The following SLIT1 variants were observed in gnomAD, a reference collection of about 807,000 sequenced individuals.
The protein encoded by SLIT1 is slit guidance ligand 1.
A neutral mutation model predicts 186.1 loss-of-function variants in SLIT1; 66 were observed. The observed-to-expected ratio is 0.35, with a 90% CI of 0.29 to 0.44. SLIT1 has a LOEUF of 0.44. Among genes scored for constraint, SLIT1 ranks in the 20% least tolerant of loss-of-function variants. The pLI is 1.00. For synonymous variants in SLIT1, 761 were observed against 833.8 expected, an observed-to-expected ratio of 0.91 and a Z score of 1.50; for missense variants, 1,638 against 2,037.4, an observed-to-expected ratio of 0.80 and a Z score of 3.77.
chr10:97,134,514 G>C (rs1301493717), intron 4 of SLIT1, among the ~76,000 whole-genome samples: 2 of 152,118 alleles, frequency 1.3e-5, no homozygotes, highest in Non-Finnish European at 2.9e-5. Context: ...AAGCCTGAGG[G>C]TGGGGGCCTC....
intron 1 of SLIT1, among the ~76,000 whole-genome samples, chr10:97,174,392 C>T (rs1316937544): frequency 6.6e-6 from 1 of 152,232 alleles, no homozygotes; most frequent in Non-Finnish European, 1.5e-5. Flanking sequence ...TCCCGTCAGC[C>T]AGCTGGGCCT....
intron 4 of SLIT1, among the ~76,000 whole-genome samples, chr10:97,112,628 G>A (rs1849475205): frequency 6.6e-6 from 1 of 152,220 alleles, no homozygotes; most frequent in Non-Finnish European, 1.5e-5. Context: ...CCAGTATCAG[G>A]AACAAAACCA....
intron 4 of SLIT1, among the ~76,000 whole-genome samples, chr10:97,089,672 T>C (rs111888104): frequency 2.8e-4 from 42 of 150,650 alleles, no homozygotes; most frequent in African/African-American, 8.4e-4. Context: ...TACTCATGGC[T>C]GGGGGAGGGA....
At chr10:97,060,007 C>A in intron 10 of SLIT1, 80 bp downstream of exon 10, 1 of 1,228,384 alleles carries the variant, frequency 8.1e-7, no homozygotes, top group Non-Finnish European at 1.2e-6. Context: ...TGAGTTAGGG[C>A]CTGCCCCAGG....
intron 20 of SLIT1, among the ~76,000 whole-genome samples, chr10:97,040,837 A>T (rs959822359): frequency 6.6e-6 from 1 of 152,218 alleles, no homozygotes; most frequent in African/African-American, 2.4e-5. Flanking sequence ...GAGAGATGAT[A>T]ATATCACCAC....
At chr10:97,015,949 A>T (rs1848451321) in intron 28 of SLIT1, among the ~76,000 whole-genome samples, 1 of 152,212 alleles carries the variant, frequency 6.6e-6, no homozygotes, top group Admixed American at 6.5e-5. Flanking sequence ...TACTAGTTAG[A>T]GGAGAAAAAA....
rs546716820 is a variant in SLIT1, at chr10:97,177,980, A to AAAAC, written c.197+7494_197+7497dup. Among the ~76,000 whole-genome samples, 29 of 152,280 alleles carry AAAAC rather than the reference A, an allele frequency of 1.9e-4. 1 individual carries two copies. In the South Asian group the frequency reaches 2.9e-3, roughly 15 times the overall value. ...AACAGAGCAAAAACTCCATCTCAAA[A>AAAAC]AAACAAACAAACAAACAAACAAAAA... On this transcript the variant is annotated intron_variant, in intron 1 of 36. Coordinates refer to ENST00000266058, the MANE Select transcript of SLIT1 (RefSeq NM_003061.3).
intron 6 of SLIT1, 88 bp downstream of exon 6, chr10:97,064,717 C>T (rs1848927751): frequency 2.1e-6 from 2 of 931,318 alleles, no homozygotes; most frequent in Non-Finnish European, 3.3e-6. Flanking sequence ...TTCCTGTCTC[C>T]CTGATGCCCG....
At chr10:97,047,517 G>A (rs1393529655) in intron 16 of SLIT1, among the ~76,000 whole-genome samples, 173 bp downstream of exon 16, 1 of 152,234 alleles carries the variant, frequency 6.6e-6, no homozygotes, top group African/African-American at 2.4e-5. Context: ...TGAAGCAGAG[G>A]GCAGCAGGGG....
intron 1 of SLIT1, among the ~76,000 whole-genome samples, chr10:97,172,934 GGA>G (rs72293609): frequency 1.3e-3 from 190 of 148,118 alleles, no homozygotes; most frequent in African/African-American, 4.1e-3. Context: ...AAGGAAGGAG[GGA>G]GAGAGAGAGA....
intron 4 of SLIT1, among the ~76,000 whole-genome samples, chr10:97,119,737 C>T (rs1421579300): frequency 2.0e-5 from 3 of 151,012 alleles, no homozygotes; most frequent in Admixed American, 6.6e-5. Flanking sequence ...TGGCAGCCAG[C>T]GAGGAAGACA....
intron 7 of SLIT1, among the ~76,000 whole-genome samples, 178 bp downstream of exon 7, chr10:97,063,990 A>G (rs1052724528): frequency 8.6e-5 from 13 of 152,042 alleles, no homozygotes; most frequent in African/African-American, 3.1e-4. Flanking sequence ...ATGCCCTGCA[A>G]CCGTATAACT....
At chr10:97,059,665 A>C in intron 10 of SLIT1, 134 bp from the exon 11 acceptor site, 1 of 711,734 alleles carries the variant, frequency 1.4e-6, no homozygotes, top group East Asian at 2.7e-5. Context: ...GAGAGGCCAG[A>C]TCTCTCCTCC....
At chr10:97,019,153 A>C in intron 26 of SLIT1, 46 bp from the exon 27 acceptor site, 1 of 1,254,158 alleles carries the variant, frequency 8.0e-7, no homozygotes, top group Non-Finnish European at 1.2e-6. Context: ...GGTGGGCAGC[A>C]CAGGGCTGGG....
At chr10:97,011,502 C>G (rs575232790) in intron 30 of SLIT1, among the ~76,000 whole-genome samples, 1 of 152,262 alleles carries the variant, frequency 6.6e-6, no homozygotes, top group East Asian at 1.9e-4. Flanking sequence ...CAGCTGCACC[C>G]TCCCTGTTCT....
chr10:97,134,003 C>T (rs568139638), intron 4 of SLIT1, among the ~76,000 whole-genome samples: 3 of 152,314 alleles, frequency 2.0e-5, no homozygotes, highest in Non-Finnish European at 2.9e-5. Flanking sequence ...CTAGCAGACA[C>T]CCCACTAAAG....
chr10:97,082,806 G>A (rs760614481), intron 4 of SLIT1, among the ~76,000 whole-genome samples: 2 of 152,216 alleles, frequency 1.3e-5, no homozygotes. Flanking sequence ...AATAGTCAGA[G>A]AGAATGTGTG....
intron 1 of SLIT1, among the ~76,000 whole-genome samples, chr10:97,183,187 C>T (rs1337990858): frequency 2.0e-5 from 3 of 152,122 alleles, no homozygotes; most frequent in Admixed American, 1.3e-4. Context: ...CAGTCCGTTC[C>T]CTGAGGCTGC....
chr10:97,097,718 C>T (rs946375713), intron 4 of SLIT1, among the ~76,000 whole-genome samples: 6 of 152,228 alleles, frequency 3.9e-5, no homozygotes, highest in African/African-American at 1.2e-4. Context: ...GTTCAGTTTG[C>T]TATACTGCAG....
Sources: gnomAD v4.1 joint callset for allele counts (sites outside exome capture counted in the v4.1 genomes callset) on GRCh38, gnomAD v4.1.1 for gene constraint, MANE v1.5 for transcripts, NCBI Gene and HGNC (gene_info 2026-07-23, HGNC 2026-07-21) for gene names.